Variants in MUCL1 observed in about 807,000 individuals in gnomAD.
The protein encoded by MUCL1 is mucin like 1, also known as mucin-like protein 1.
A neutral mutation model predicts 9.2 loss-of-function variants in MUCL1; 11 were observed. The ratio of observed to expected loss-of-function variants is 1.19; its 90% CI spans 0.75 to 1.97. MUCL1 has a LOEUF of 1.97. MUCL1 is among the 30% of genes most tolerant of loss of function. The pLI is 0.00. For missense variants in MUCL1, 144 were observed against 110.9 expected (o/e 1.30, Z -1.34); for synonymous variants, 48 against 40.5 (o/e 1.19, Z -0.71).
chr12:54,852,845 A>G (rs10876635), upstream of MUCL1, among the ~76,000 whole-genome samples: 68,754 of 151,764 alleles, frequency 0.45, 16,536 homozygotes, highest in East Asian at 0.84. Flanking sequence ...TTCCTTCTTT[A>G]TCTCTTTTAA....
chr12:54,840,859 T>A (rs1395109387), intron 1 of MUCL1, among the ~76,000 whole-genome samples: 1 of 152,190 alleles, frequency 6.6e-6, no homozygotes, highest in Admixed American at 6.5e-5. Flanking sequence ...GCAGGCCTCA[T>A]ACCTGCAGTA....
upstream of MUCL1, among the ~76,000 whole-genome samples, chr12:54,839,038 C>A (rs1959199097): frequency 1.3e-5 from 2 of 152,226 alleles, no homozygotes; most frequent in South Asian, 4.2e-4. Flanking sequence ...AGTTCCTTCT[C>A]ACTTGGGTAG....
intron 1 of MUCL1, among the ~76,000 whole-genome samples, chr12:54,848,163 C>T (rs1250341515): frequency 6.6e-6 from 1 of 151,500 alleles, no homozygotes; most frequent in Admixed American, 6.6e-5. Flanking sequence ...CTTCCAATTT[C>T]TCTGTGGTAT....
Position 54,831,329 on chromosome 12 carries a change from A to G in MUCL1, n.357+454A>G, listed in dbSNP as rs192822210. Among the ~76,000 whole-genome samples, 12 of 152,260 alleles carry G rather than the reference A, an allele frequency of 7.9e-5. No individual in the cohort carries two copies. In the East Asian group the frequency reaches 2.1e-3, roughly 27 times the overall value. On this transcript the variant is annotated intron_variant and non_coding_transcript_variant, in intron 1 of 3. Transcript: ENST00000547990. ...TCCTAAAACTCACAGAAATTTAGAA[A>G]CTCAAATGTCTTTCAAGTTCATGTG...
At chr12:54,831,411 C>T (rs1156604004) in intron 1 of MUCL1, among the ~76,000 whole-genome samples, 2 of 152,070 alleles carry the variant, frequency 1.3e-5, no homozygotes, top group African/African-American at 4.8e-5. Context: ...TTAGTAAAAA[C>T]AGCTGTGTTC....
At chr12:54,832,655 C>G (rs1959186959) in intron 1 of MUCL1, among the ~76,000 whole-genome samples, 1 of 152,026 alleles carries the variant, frequency 6.6e-6, no homozygotes, top group Non-Finnish European at 1.5e-5. Context: ...TTTATGAGGT[C>G]TTTTTGACCT....
chr12:54,831,299 A>G (rs552255967), intron 1 of MUCL1, among the ~76,000 whole-genome samples: 1 of 152,306 alleles, frequency 6.6e-6, no homozygotes, highest in East Asian at 1.9e-4. Context: ...ATATAAATTA[A>G]ATATTCCTAA....
intron 1 of MUCL1, among the ~76,000 whole-genome samples, chr12:54,841,150 A>G (rs572299386): frequency 1.9e-4 from 29 of 152,210 alleles, no homozygotes; most frequent in Non-Finnish European, 3.5e-4. Flanking sequence ...CCATGTTGCC[A>G]TAAAATGGAA....
chr12:54,857,231 A>AGT (rs34504933), intron 3 of MUCL1, among the ~76,000 whole-genome samples: 19,582 of 142,422 alleles, frequency 0.14, 1,335 homozygotes, highest in Middle Eastern at 0.19. Flanking sequence ...TAAATCAGGT[A>AGT]GTGTGTGTGT....
chr12:54,846,151 A>C (rs892075127), intron 1 of MUCL1, among the ~76,000 whole-genome samples: 1 of 152,176 alleles, frequency 6.6e-6, no homozygotes, highest in African/African-American at 2.4e-5. Context: ...CTGGCCCTCT[A>C]TGCTTGCCAT....
chr12:54,841,453 C>T (rs1334329198), intron 1 of MUCL1, among the ~76,000 whole-genome samples: 1 of 152,134 alleles, frequency 6.6e-6, no homozygotes, highest in Non-Finnish European at 1.5e-5. Context: ...AATTTTCACT[C>T]CTACAAACAG....
chr12:54,849,079 G>A (rs553753961), intron 1 of MUCL1, among the ~76,000 whole-genome samples: 3 of 152,250 alleles, frequency 2.0e-5, no homozygotes, highest in South Asian at 2.1e-4. Context: ...GATATATAGG[G>A]ACTGAGTTAG....
chr12:54,852,220 C>G (rs1868255778), upstream of MUCL1, among the ~76,000 whole-genome samples: 1 of 152,148 alleles, frequency 6.6e-6, no homozygotes, highest in Non-Finnish European at 1.5e-5. Context: ...GCCAAAAGAA[C>G]AAAGCTGGAG....
chr12:54,845,154 C>T (rs1445407460), intron 1 of MUCL1, among the ~76,000 whole-genome samples: 1 of 152,140 alleles, frequency 6.6e-6, no homozygotes, highest in African/African-American at 2.4e-5. Flanking sequence ...GCTTGAACTA[C>T]CTCAGTATGA....
intron 1 of MUCL1, among the ~76,000 whole-genome samples, chr12:54,848,064 C>T (rs1166651159): frequency 1.4e-5 from 2 of 144,346 alleles, no homozygotes; most frequent in African/African-American, 5.0e-5. Context: ...AGTATCTGAA[C>T]CCATCGTTAG....
chr12:54,831,371 G>T (rs1330656455), intron 1 of MUCL1, among the ~76,000 whole-genome samples: 1 of 151,994 alleles, frequency 6.6e-6, no homozygotes, highest in Non-Finnish European at 1.5e-5. Context: ...GTAAGTTTTT[G>T]GTAAATAAGA....
chr12:54,855,925 G>T (rs900859768), intron 2 of MUCL1, among the ~76,000 whole-genome samples: 23 of 152,272 alleles, frequency 1.5e-4, no homozygotes, highest in African/African-American at 5.3e-4. Flanking sequence ...CTTAAATAAA[G>T]CCTGAGACAG....
chr12:54,843,698 A>G (rs1487627140), intron 1 of MUCL1, among the ~76,000 whole-genome samples: 1 of 152,212 alleles, frequency 6.6e-6, no homozygotes, highest in Non-Finnish European at 1.5e-5. Flanking sequence ...GAAAGGGCCC[A>G]CAAGGCAAGT....
chr12:54,848,286 G>T (rs1314393627), intron 1 of MUCL1, among the ~76,000 whole-genome samples: 1 of 151,992 alleles, frequency 6.6e-6, no homozygotes, highest in Non-Finnish European at 1.5e-5. Flanking sequence ...CTCCCTTTGT[G>T]ATATGCTCTA....
Sources: allele counts gnomAD v4.1 joint callset (sites outside exome capture counted in the v4.1 genomes callset), GRCh38; gene constraint gnomAD v4.1.1; transcripts MANE v1.5; gene names NCBI Gene and HGNC (gene_info 2026-07-23, HGNC 2026-07-21).